The following GABRG3 variants were observed in gnomAD, a reference collection of about 807,000 sequenced individuals.
GABRG3 encodes gamma-aminobutyric acid receptor subunit gamma-3.
Under a neutral mutation model 48.8 loss-of-function variants are expected in GABRG3, and 25 were observed. The observed-to-expected ratio is 0.51, with a 90% CI of 0.37 to 0.72. The LOEUF (loss-of-function observed/expected upper bound fraction) is 0.72. GABRG3 is among the 30% of genes least tolerant of loss of function. The pLI is 0.00. For synonymous variants in GABRG3, 227 were observed against 217.6 expected, an observed-to-expected ratio of 1.04 and a Z score of -0.38; for missense variants, 394 against 577.9, an observed-to-expected ratio of 0.68 and a Z score of 3.26.
At chr15:27,301,843 G>A (rs145745513) in intron 3 of GABRG3, among the ~76,000 whole-genome samples, 33 of 152,156 alleles carry the variant, frequency 2.2e-4, no homozygotes, top group Non-Finnish European at 3.4e-4. Flanking sequence ...ATAACCTATA[G>A]TGGAACAGTG....
chr15:27,305,039 T>C (rs1041282794), intron 3 of GABRG3, among the ~76,000 whole-genome samples: 1 of 151,922 alleles, frequency 6.6e-6, no homozygotes, highest in African/African-American at 2.4e-5. Context: ...ACTTTAGGTG[T>C]CACAACTATG....
rs563575987 is a variant in GABRG3 at position 27,236,516 on chromosome 15, G to A, written c.271-90293G>A. ...AAGCAGGAAGCAGAAACCAGCTCTG[G>A]AAAACAAGAAATGAACAACTTATCC... On this transcript the variant is annotated intron_variant, in intron 3 of 9. Transcript: ENST00000615808. The surrounding 1 kb of genome is among the most constrained non-coding windows in gnomAD (Gnocchi z 4.4). Among the ~76,000 whole-genome samples, 4 of 152,244 alleles carry A rather than the reference G, an allele frequency of 2.6e-5. No homozygotes were observed. The highest frequency in any genetic ancestry group is 2.0e-4 in the Admixed American group (3 of 15,290).
chr15:27,389,560 A>G (rs1284709873), intron 5 of GABRG3, among the ~76,000 whole-genome samples: 1 of 152,214 alleles, frequency 6.6e-6, no homozygotes, highest in Non-Finnish European at 1.5e-5. Context: ...TTCACTGCCA[A>G]CACATCATCA....
chr15:27,070,697 C>T (rs1452814815), intron 3 of GABRG3, among the ~76,000 whole-genome samples: 1 of 152,168 alleles, frequency 6.6e-6, no homozygotes, highest in African/African-American at 2.4e-5. Context: ...CCTGAGCAAG[C>T]AGTGACCCTA....
At chr15:27,408,625 T>C (rs55678891) in intron 5 of GABRG3, among the ~76,000 whole-genome samples, 8,906 of 152,184 alleles carry the variant, frequency 0.059, 352 homozygotes, top group South Asian at 0.19. Context: ...GGGTCTGCCA[T>C]GTTTTGGAAT....
intron 3 of GABRG3, among the ~76,000 whole-genome samples, chr15:27,294,223 C>CTTTT (rs1162063750): frequency 3.1e-5 from 4 of 129,294 alleles, no homozygotes; most frequent in African/African-American, 9.3e-5. Flanking sequence ...TTTCTTTTTC[C>CTTTT]TTTTTTTTTT....
Position 27,179,163 on chromosome 15 carries a change from G to T in GABRG3, c.271-147646G>T, listed in dbSNP as rs1486630947. Among the ~76,000 whole-genome samples the T allele has an allele frequency of 6.6e-6, 1 of 152,138 alleles. No homozygotes were observed. The highest frequency in any genetic ancestry group is 1.5e-5 in the Non-Finnish European group (1 of 68,018). ...TGGAAGCTTACAAGTCAGAAATTATGAAAATCCTCTTCAGAAATTCTAATC... is the reference window on the plus strand; with the variant it reads ...TGGAAGCTTACAAGTCAGAAATTATTAAAATCCTCTTCAGAAATTCTAATC... On this transcript the variant is annotated intron_variant, in intron 3 of 9. Coordinates refer to ENST00000615808, the MANE Select transcript of GABRG3 (RefSeq NM_033223.5). The surrounding 1 kb of genome is among the most constrained non-coding windows in gnomAD (Gnocchi z 4.0).
At chr15:27,379,674 G>T (rs972066248) in intron 5 of GABRG3, among the ~76,000 whole-genome samples, 2 of 152,118 alleles carry the variant, frequency 1.3e-5, no homozygotes, top group Admixed American at 6.6e-5. Flanking sequence ...TTGAAGGGTA[G>T]TTTTCCTGGA....
At chr15:27,187,717 ATTT>A (rs928203466) in intron 3 of GABRG3, among the ~76,000 whole-genome samples, 14 of 151,610 alleles carry the variant, frequency 9.2e-5, no homozygotes, top group African/African-American at 3.4e-4. Context: ...TTCAATGTTA[ATTT>A]TTTTTATTTT....
chr15:26,993,894 G>T (rs1333881164), intron 2 of GABRG3, among the ~76,000 whole-genome samples: 1 of 151,614 alleles, frequency 6.6e-6, no homozygotes, highest in Non-Finnish European at 1.5e-5. Flanking sequence ...TCCAGTGTTG[G>T]GTGCATATAT....
chr15:27,370,392 C>T (rs1188390342), intron 5 of GABRG3, among the ~76,000 whole-genome samples: 1 of 152,224 alleles, frequency 6.6e-6, no homozygotes, highest in East Asian at 1.9e-4. Flanking sequence ...ACTTGTTCTG[C>T]AGCTCTTGCT....
intron 5 of GABRG3, among the ~76,000 whole-genome samples, chr15:27,345,936 C>T (rs571960598): frequency 1.3e-5 from 2 of 151,590 alleles, no homozygotes; most frequent in African/African-American, 2.4e-5. Context: ...CTCAGTAGTC[C>T]CAGCTACCCA....
chr15:27,394,049 G>C (rs1192474293), intron 5 of GABRG3, among the ~76,000 whole-genome samples: 1 of 152,148 alleles, frequency 6.6e-6, no homozygotes, highest in Non-Finnish European at 1.5e-5. Context: ...CTGCCAATCT[G>C]TGCCTTTCAA....
chr15:27,488,173 C>T (rs987049711), intron 6 of GABRG3, among the ~76,000 whole-genome samples: 2 of 152,190 alleles, frequency 1.3e-5, no homozygotes, highest in South Asian at 2.1e-4. Context: ...ACCTGGATAA[C>T]TTAGTAGTCC....
chr15:27,041,068 C>T (rs767848340), intron 3 of GABRG3, among the ~76,000 whole-genome samples: 6 of 152,162 alleles, frequency 3.9e-5, no homozygotes, highest in Non-Finnish European at 5.9e-5. Flanking sequence ...TTTGCAATGT[C>T]GAATGAACCA....
chr15:27,519,865 G>A (rs781128159), intron 6 of GABRG3, 107 bp from the exon 7 acceptor site: 3 of 776,024 alleles, frequency 3.9e-6, no homozygotes, highest in Admixed American at 6.3e-5. Context: ...TTGTAGTTGT[G>A]CATTTTTATC....
intron 5 of GABRG3, among the ~76,000 whole-genome samples, chr15:27,414,958 C>T (rs1247558547): frequency 6.6e-6 from 1 of 152,090 alleles, no homozygotes; most frequent in Non-Finnish European, 1.5e-5. Flanking sequence ...GTGATCTGTT[C>T]AGGTGAAATT....
intron 3 of GABRG3, among the ~76,000 whole-genome samples, chr15:27,279,848 A>G (rs2140478839): frequency 6.6e-6 from 1 of 152,334 alleles, no homozygotes; most frequent in African/African-American, 2.4e-5. Context: ...TGATTAGAGC[A>G]GTGACATCTG....
At chr15:27,164,704 A>G (rs952153237) in intron 3 of GABRG3, among the ~76,000 whole-genome samples, 2 of 152,240 alleles carry the variant, frequency 1.3e-5, no homozygotes, top group African/African-American at 4.8e-5. Context: ...GCAATATCTG[A>G]TAGCTCTATG....
Sources: allele counts gnomAD v4.1 joint callset (sites outside exome capture counted in the v4.1 genomes callset), GRCh38; gene constraint gnomAD v4.1.1; non-coding constraint Gnocchi (gnomAD v3.1); transcripts MANE v1.5; gene names NCBI Gene and HGNC (gene_info 2026-07-23, HGNC 2026-07-21).